Variants in CDK5 observed in about 807,000 individuals in gnomAD.
The protein encoded by CDK5 is cyclin dependent kinase 5.
Under a neutral mutation model 44.6 loss-of-function variants are expected in CDK5, and 18 were observed. The observed-to-expected ratio is 0.40, with a 90% CI of 0.28 to 0.60. The LOEUF (loss-of-function observed/expected upper bound fraction) is 0.60, where lower values mean the gene tolerates loss of function less well. CDK5 is among the 20% of genes least tolerant of loss of function. The probability of loss-of-function intolerance (pLI) is 0.38; values close to 1 mark genes in which losing one functional copy is unlikely to be tolerated. For synonymous variants in CDK5, 143 were observed against 152.8 expected (o/e 0.94, Z 0.47); for missense variants, 198 against 368.1 (o/e 0.54, Z 3.78).
In CDK5 at chr7:151,055,858, G is replaced by T; in HGVS notation, c.313-10C>A. ...GCTGGAAGAGGAATGACTGGGAGGAGAGAGGGAGAAGGGAGTCAGACGCCC... is the reference window on the plus strand; with the variant it reads ...GCTGGAAGAGGAATGACTGGGAGGATAGAGGGAGAAGGGAGTCAGACGCCC... On this transcript the variant is annotated splice_polypyrimidine_tract_variant and intron_variant, in intron 5 of 11. Transcript: ENST00000485972. 1 of 1,588,332 alleles carries T rather than the reference G, an allele frequency of 6.3e-7. No individual in the cohort carries two copies. Among genetic ancestry groups the T allele is most frequent in the Non-Finnish European group, 8.6e-7 (1 of 1,162,386 alleles).
In CDK5 at chr7:151,057,575, C is replaced by A. The variant is rs1429838833; in HGVS notation, c.37+237G>T. 20 of 615,652 alleles carry A rather than the reference C, an allele frequency of 3.2e-5. No homozygotes were observed. The highest frequency in any genetic ancestry group is 5.8e-5 in the Non-Finnish European group (20 of 346,138). The allele number at this position is 615,652 out of a possible 1,614,324, so 38.1% of individuals were successfully genotyped here. A position where few individuals can be genotyped will look rare whatever the true frequency, so the allele number is the denominator to read the frequency against. ...TGGGGTGAGAAATTTCAGGAAGTGT[C>A]GCGGTTGGGAGGTCGGGTCTACTGG... On this transcript the variant is annotated intron_variant, in intron 1 of 11. Transcript: ENST00000485972. The surrounding 1 kb of genome is among the most constrained non-coding windows in gnomAD (Gnocchi z 5.2).
rs1410586144 is a variant in CDK5, at chr7:151,055,374, C to T, written c.484-1G>A. The stretch of plus-strand genomic sequence containing the variant: ...GTGGGCGGTACCACAGTGTGACCAC[C>T]TGGAGGAGACCCCCCCCGAAAGGGA... On this transcript the variant is annotated splice_acceptor_variant, in intron 7 of 11. Coordinates refer to ENST00000485972, the MANE Select transcript of CDK5 (RefSeq NM_004935.4). LOFTEE classifies it high-confidence loss of function. 6.2e-7 allele frequency: 1 copy of T among 1,612,012 alleles called. No individual in the cohort carries two copies. Among genetic ancestry groups the T allele is most frequent in the Non-Finnish European group, 8.5e-7 (1 of 1,178,206 alleles).
rs1796897974 is a variant in CDK5, at chr7:151,056,555, G to A, written c.312+25C>T. 1 of 1,605,436 alleles carries A rather than the reference G, an allele frequency of 6.2e-7. No individual in the cohort carries two copies. The highest frequency in any genetic ancestry group is 8.5e-7 in the Non-Finnish European group (1 of 1,174,880). Reference sequence around the variant, plus strand: ...TGCAGACTCCGACCCCAGCCTGAGGGGTCCCCCAACACCACTCTCCTCACC... The same window carrying A: ...TGCAGACTCCGACCCCAGCCTGAGGAGTCCCCCAACACCACTCTCCTCACC... On this transcript the variant is annotated intron_variant, in intron 5 of 11. Transcript: ENST00000485972. The surrounding 1 kb of genome is among the most constrained non-coding windows in gnomAD (Gnocchi z 4.7).
chr7:151,057,396 T>C lies in CDK5; in HGVS notation c.38-236A>G. 1.7e-6 allele frequency: 1 copy of C among 597,644 alleles called. No homozygotes were observed. The highest frequency in any genetic ancestry group is 3.0e-6 in the Non-Finnish European group (1 of 335,590). 37.0% of individuals were successfully genotyped at this position (597,644 alleles called of 1,614,324 possible). ...GCGAGTGCGGTTGCCAGGGCAAGGA[T>C]GTCTAAAATGAAGGCGGTGCTCCGG... On this transcript the variant is annotated intron_variant, in intron 1 of 11. Transcript: ENST00000485972. This position sits in a 1 kb window ranked among gnomAD's most constrained non-coding sequence, Gnocchi z 5.2.
In CDK5 at chr7:151,056,574, C is replaced by T. The variant is rs1481406726; in HGVS notation, c.312+6G>A. 11 of 1,610,272 alleles carry T rather than the reference C, an allele frequency of 6.8e-6. No individual in the cohort carries two copies. The highest frequency in any genetic ancestry group is 2.2e-5 in the East Asian group (1 of 44,886). ...CTGAGGGGTCCCCCAACACCACTCT[C>T]CTCACCTTTACAATCTCAGGATCGA... On this transcript the variant is annotated splice_donor_region_variant and intron_variant, in intron 5 of 11. Coordinates refer to ENST00000485972, the MANE Select transcript of CDK5 (RefSeq NM_004935.4). This position sits in a 1 kb window ranked among gnomAD's most constrained non-coding sequence, Gnocchi z 4.7.
chr7:151,054,475 G>A lies in CDK5; in HGVS notation c.651-10C>T, dbSNP rs764992346. 3 of 1,609,960 alleles carry A rather than the reference G, an allele frequency of 1.9e-6. No homozygotes were observed. In the African/African-American group the frequency reaches 4.0e-5, roughly 22 times the overall value. On this transcript the variant is annotated splice_polypyrimidine_tract_variant and intron_variant, in intron 9 of 11. Coordinates refer to ENST00000485972, the MANE Select transcript of CDK5 (RefSeq NM_004935.4). This position sits in a 1 kb window ranked among gnomAD's most constrained non-coding sequence, Gnocchi z 5.7. The stretch of plus-strand genomic sequence containing the variant: ...GGGCGTCCCCAGCAGTGTGTCCACG[G>A]AGTCAAGGATCACTTGGGAAAGGGC...
chr7:151,056,912 C>T lies in CDK5; in HGVS notation c.190G>A (p.Val64Ile), dbSNP rs1796908913. Residue 64 changes from valine to isoleucine, a missense_variant, in exon 3 of 12, where the codon GTC becomes ATC. Transcript: ENST00000485972. This position sits in a 1 kb window ranked among gnomAD's most constrained non-coding sequence, Gnocchi z 4.7. ...GAGCACCCGCCTCCCGCACACCTGA[C>T]GATGTTCTTGTGCTTCAGCTCCTTG... ...LLKELKHKNIVRLHDVLHSDK... is the reference protein window; with the variant it reads ...LLKELKHKNIIRLHDVLHSDK... 6.2e-7 allele frequency: 1 copy of T among 1,610,646 alleles called. No individual in the cohort carries two copies.
Position 151,055,513 on chromosome 7 carries a change from A to G in CDK5, c.483+19T>C. 1 of 1,611,350 alleles carries G rather than the reference A, an allele frequency of 6.2e-7. No homozygotes were observed. On this transcript the variant is annotated intron_variant, in intron 7 of 11. Transcript: ENST00000485972. ...GAGGGACTCCCTCCCCCAATCCCAT[A>G]TCCCATCTTCTAGCTCACCTCAGCT...
In CDK5 at chr7:151,055,375, T is replaced by G; in HGVS notation, c.484-2A>C. 1 of 1,610,954 alleles carries G rather than the reference T, an allele frequency of 6.2e-7. No individual in the cohort carries two copies. The highest frequency in any genetic ancestry group is 8.5e-7 in the Non-Finnish European group (1 of 1,177,266). On this transcript the variant is annotated splice_acceptor_variant, in intron 7 of 11. Transcript: ENST00000485972. LOFTEE classifies it high-confidence loss of function. ...TGGGCGGTACCACAGTGTGACCACC[T>G]GGAGGAGACCCCCCCCGAAAGGGAC...
chr7:151,054,149 C>A lies in CDK5; in HGVS notation c.793-54G>T. The A allele has an allele frequency of 6.3e-7, 1 of 1,589,118 alleles. No individual in the cohort carries two copies. Among genetic ancestry groups the A allele is most frequent in the South Asian group, 1.1e-5 (1 of 87,796 alleles). ...TTCAGGACAGGTCACTGCCCAGAGC[C>A]CTGCCTTCCTGTAGTCCCACTGGGC... On this transcript the variant is annotated intron_variant, in intron 11 of 11. Transcript: ENST00000485972. This position sits in a 1 kb window ranked among gnomAD's most constrained non-coding sequence, Gnocchi z 5.7.
chr7:151,054,491 G>T lies in CDK5; in HGVS notation c.651-26C>A. 6.2e-7 allele frequency: 1 copy of T among 1,602,630 alleles called. No homozygotes were observed. The highest frequency in any genetic ancestry group is 2.2e-5 in the East Asian group (1 of 44,752). On this transcript the variant is annotated intron_variant, in intron 9 of 11. Transcript: ENST00000485972. This position sits in a 1 kb window ranked among gnomAD's most constrained non-coding sequence, Gnocchi z 5.7. ...GTGTCCACGGAGTCAAGGATCACTT[G>T]GGAAAGGGCCACAGCTGCATCTTCA...
rs1389351492 is a variant in CDK5 at position 151,055,520 on chromosome 7, C to T, written c.483+12G>A. 1.9e-6 allele frequency: 3 copies of T among 1,612,830 alleles called. No homozygotes were observed. Among genetic ancestry groups the T allele is most frequent in the Admixed American group, 1.7e-5 (1 of 60,004 alleles). On this transcript the variant is annotated intron_variant, in intron 7 of 11. Transcript: ENST00000485972. ...TCCCTCCCCCAATCCCATATCCCATCTTCTAGCTCACCTCAGCTGAGTAAC... is the reference window on the plus strand; with the variant it reads ...TCCCTCCCCCAATCCCATATCCCATTTTCTAGCTCACCTCAGCTGAGTAAC...
chr7:151,057,213 C>T lies in CDK5; in HGVS notation c.38-53G>A. On this transcript the variant is annotated intron_variant, in intron 1 of 11. Transcript: ENST00000485972. The surrounding 1 kb of genome is among the most constrained non-coding windows in gnomAD (Gnocchi z 5.2). ...TGAGGATGCGGCACTCTTCCCTAAG[C>T]CAGGAAATGCCTCCTGAGAGAGGTG... 7.7e-7 allele frequency: 1 copy of T among 1,304,734 alleles called. No individual in the cohort carries two copies. The highest frequency in any genetic ancestry group is 1.1e-6 in the Non-Finnish European group (1 of 897,894). The allele number at this position is 1,304,734 out of a possible 1,614,324, so 80.8% of individuals were successfully genotyped here. A position where few individuals can be genotyped will look rare whatever the true frequency, so the allele number is the denominator to read the frequency against.
chr7:151,055,137 A>AC, intron 8 of CDK5, 41 bp from the exon 9 acceptor site: 2 of 1,591,804 alleles, frequency 1.3e-6, no homozygotes, highest in Non-Finnish European at 1.7e-6. Flanking sequence ...CATGTGAAGG[A>AC]CCCCTCACTC....
chr7:151,056,130 C>A lies in CDK5; in HGVS notation c.313-282G>T. On this transcript the variant is annotated intron_variant, in intron 5 of 11. Transcript: ENST00000485972. This position sits in a 1 kb window ranked among gnomAD's most constrained non-coding sequence, Gnocchi z 4.7. ...TCCTAGATCCGGCCTAGATCCCAGC[C>A]CATGCTGATCTTCCCTTCCTGGCCG... 1.9e-6 allele frequency: 1 copy of A among 538,916 alleles called. No homozygotes were observed. 33.4% of individuals were successfully genotyped at this position (538,916 alleles called of 1,614,324 possible). A position where few individuals can be genotyped will look rare whatever the true frequency, so the allele number is the denominator to read the frequency against.
intron 6 of CDK5, 68 bp from the exon 7 acceptor site, chr7:151,055,674 C>T (rs887032429): frequency 2.6e-6 from 4 of 1,534,426 alleles, no homozygotes; most frequent in Non-Finnish European, 3.6e-6. Flanking sequence ...CCAACTCCAT[C>T]CTCCCAGTCC....
In CDK5 at chr7:151,054,915, C is replaced by A. The variant is rs982056872; in HGVS notation, c.650+112G>T. On this transcript the variant is annotated intron_variant, in intron 9 of 11. Coordinates refer to ENST00000485972, the MANE Select transcript of CDK5 (RefSeq NM_004935.4). This position sits in a 1 kb window ranked among gnomAD's most constrained non-coding sequence, Gnocchi z 5.7. Reference sequence around the variant, plus strand: ...CTCTCCCCTTGCCCTCAGGAGAAGCCCTACAGACCCCATCACCCTACCCCA... The same window carrying A: ...CTCTCCCCTTGCCCTCAGGAGAAGCACTACAGACCCCATCACCCTACCCCA... The A allele has an allele frequency of 3.8e-6, 4 of 1,040,518 alleles. No homozygotes were observed. Among genetic ancestry groups the A allele is most frequent in the East Asian group, 5.0e-5 (2 of 39,640 alleles). 64.5% of individuals were successfully genotyped at this position (1,040,518 alleles called of 1,614,324 possible).
At chr7:151,055,938 C>T (rs538525166) in intron 5 of CDK5, 90 bp from the exon 6 acceptor site, 16 of 811,624 alleles carry the variant, frequency 2.0e-5, no homozygotes, top group East Asian at 8.0e-5. Flanking sequence ...CCCTGTGCTT[C>T]GCTCCACCCC....
chr7:151,057,795 T>C lies in CDK5; in HGVS notation c.37+17A>G. ...CTGCAGAGGAGCTCTTGCAGGAACA[T>C]CTCGAGATTCCATTACCTTCCCCAA... is the stretch of plus-strand genomic sequence containing the variant. On this transcript the variant is annotated intron_variant, in intron 1 of 11. Coordinates refer to ENST00000485972, the MANE Select transcript of CDK5 (RefSeq NM_004935.4). The surrounding 1 kb of genome is among the most constrained non-coding windows in gnomAD (Gnocchi z 5.2). The C allele has an allele frequency of 6.2e-7, 1 of 1,608,650 alleles. No individual in the cohort carries two copies. The highest frequency in any genetic ancestry group is 8.5e-7 in the Non-Finnish European group (1 of 1,177,410).
Sources: gnomAD v4.1 joint callset for allele counts on GRCh38, gnomAD v4.1.1 for gene constraint, Gnocchi (gnomAD v3.1) non-coding constraint, MANE v1.5 for transcripts, NCBI Gene and HGNC (gene_info 2026-07-23, HGNC 2026-07-21) for gene names.